Variants in UMOD observed in about 807,000 individuals in gnomAD.
UMOD encodes the protein Tamm-Horsfall urinary glycoprotein.
Under a neutral mutation model 66.0 loss-of-function variants are expected in UMOD, and 64 were observed. The observed-to-expected ratio is 0.97, with a 90% CI of 0.79 to 1.19. The LOEUF is 1.19. UMOD is among the 50% of genes most tolerant of loss of function. The pLI is 0.00. For missense variants in UMOD, 764 were observed against 850.9 expected (o/e 0.90, Z 1.27); for synonymous variants, 398 against 352.7 (o/e 1.13, Z -1.44).
At chr16:20,347,769 A>T (rs1281240840) in intron 4 of UMOD, among the ~76,000 whole-genome samples, 1 of 152,234 alleles carries the variant, frequency 6.6e-6, no homozygotes. Context: ...TTCATCTTCA[A>T]TAATTGTACC....
rs200153849 is a variant in UMOD at position 20,341,243 on chromosome 16, G to A, written c.1425C>T (p.Ser475=). Residue 475 remains serine (S), a synonymous_variant, in exon 7 of 11, where the codon TCC becomes TCT. Transcript: ENST00000396138. ...TPSYTQPYQG[S]SVTLSTEAFL... Reference sequence around the variant, plus strand: ...AAGCCTCAGTGGACAGTGTCACGGAGGAGCCTTGGTAGGGCTGCGTGTAGG... The same window carrying A: ...AAGCCTCAGTGGACAGTGTCACGGAAGAGCCTTGGTAGGGCTGCGTGTAGG... 4 of 1,614,130 alleles carry A rather than the reference G, an allele frequency of 2.5e-6. No homozygotes were observed. Among genetic ancestry groups the A allele is most frequent in the Admixed American group, 1.7e-5 (1 of 60,012 alleles).
intron 7 of UMOD, among the ~76,000 whole-genome samples, chr16:20,339,024 G>T (rs190187253): frequency 1.8e-4 from 27 of 152,324 alleles, no homozygotes; most frequent in Admixed American, 3.3e-4. Context: ...GCCTCCCAAA[G>T]TGCTGGGATT....
Position 20,344,162 on chromosome 16 carries a change from G to A in UMOD, c.1193C>T (p.Thr398Ile), listed in dbSNP as rs1965401087. 1 of 1,126,544 alleles carries A rather than the reference G, an allele frequency of 8.9e-7. No homozygotes were observed. Among genetic ancestry groups the A allele is most frequent in the Non-Finnish European group, 1.3e-6 (1 of 783,458 alleles). 69.8% of individuals were successfully genotyped at this position (1,126,544 alleles called of 1,614,324 possible). A position where few individuals can be genotyped will look rare whatever the true frequency, so the allele number is the denominator to read the frequency against. Residue 398 changes from threonine (T) to isoleucine (I), a missense_variant, in exon 6 of 11, where the codon ACC (threonine) becomes ATC (isoleucine). Physicochemically the swap from Thr to Ile is moderately conservative, Grantham distance 89. Coordinates refer to ENST00000396138, the MANE Select transcript of UMOD (RefSeq NM_003361.4). ...PCGTVLTRNE[T>I]HATYSNTLYL... The stretch of plus-strand genomic sequence containing the variant: ...GAGGGTGTTGCTGTAAGTGGCATGG[G>A]TTTCATTCCTCTGTTGCAGGGAATG...
rs370600033 is a variant in UMOD, at chr16:20,348,998, C to A, written c.303G>T (p.Ser101=). The A allele has an allele frequency of 6.3e-6, 10 of 1,578,724 alleles. No homozygotes were observed. Among genetic ancestry groups the A allele is most frequent in the South Asian group, 1.2e-5 (1 of 86,700 alleles). The part of the protein sequence containing the change: ...SCVCPEGFRL[S]PGLGCTDVDE... The stretch of plus-strand genomic sequence containing the variant: ...CCACGTCTGTGCAGCCGAGACCGGG[C>A]GACAGGCGGAAGCCTTCGGGGCAGA... The change falls in exon 3 of 11, where the codon TCG becomes TCT. Residue 101 remains serine, a synonymous_variant. Coordinates refer to ENST00000396138, the MANE Select transcript of UMOD (RefSeq NM_003361.4).
chr16:20,345,599 C>G (rs1163236455), intron 5 of UMOD, among the ~76,000 whole-genome samples: 1 of 147,914 alleles, frequency 6.8e-6, no homozygotes, highest in East Asian at 2.0e-4. Context: ...TCCTCTCTTT[C>G]TCTTTCTTTC....
intron 10 of UMOD, among the ~76,000 whole-genome samples, chr16:20,335,019 G>C (rs1964796796): frequency 6.6e-6 from 1 of 151,906 alleles, no homozygotes; most frequent in Non-Finnish European, 1.5e-5. Flanking sequence ...GTAGAGATGG[G>C]GTTTCACCAT....
upstream of UMOD, among the ~76,000 whole-genome samples, chr16:20,354,525 T>C (rs1421160046): frequency 6.6e-6 from 1 of 152,160 alleles, no homozygotes. Context: ...TCTTCATTTA[T>C]TTACTTTTTT....
intron 2 of UMOD, 47 bp from the exon 3 acceptor site, chr16:20,349,259 T>C (rs1367279043): frequency 6.3e-7 from 1 of 1,590,192 alleles, no homozygotes; most frequent in African/African-American, 1.3e-5. Flanking sequence ...GCTGGGCCCA[T>C]GGCCACCCAG....
chr16:20,348,471 G>T lies in UMOD; in HGVS notation c.830C>A (p.Thr277Lys). 1 of 1,613,062 alleles carries T rather than the reference G, an allele frequency of 6.2e-7. No homozygotes were observed. Residue 277 changes from threonine to lysine, a missense_variant, in exon 3 of 11, where the codon ACA becomes AAA. By Grantham distance (78) the Thr-to-Lys change is moderately conservative. Coordinates refer to ENST00000396138, the MANE Select transcript of UMOD (RefSeq NM_003361.4). Reference protein sequence around the residue: ...CAGGYYVYNLTAPPECHLAYC... With the variant: ...CAGGYYVYNLKAPPECHLAYC... ...CGCCAGGTGACACTCGGGGGGCGCT[G>T]TCAGGTTGTAGACGTAGTAGCCGCC...
intron 7 of UMOD, among the ~76,000 whole-genome samples, chr16:20,338,032 G>A (rs1328193082): frequency 1.3e-5 from 2 of 152,078 alleles, no homozygotes; most frequent in Non-Finnish European, 2.9e-5. Flanking sequence ...GGCAAACTGG[G>A]CACCCCCTCT....
Position 20,346,344 on chromosome 16 carries a change from G to A in UMOD, c.974-10C>T, listed in dbSNP as rs752917522. 5 of 1,614,196 alleles carry A rather than the reference G, an allele frequency of 3.1e-6. No homozygotes were observed. The highest frequency in any genetic ancestry group is 1.3e-5 in the African/African-American group (1 of 75,070). On this transcript the variant is annotated splice_polypyrimidine_tract_variant and intron_variant, in intron 4 of 10. Coordinates refer to ENST00000396138, the MANE Select transcript of UMOD (RefSeq NM_003361.4). ...TCCAGGAGGGAGATATCTGAAACAG[G>A]TTAGGTGGGATTGAGGACGTGTGTC...
chr16:20,344,611 A>G (rs1361774743), intron 5 of UMOD, among the ~76,000 whole-genome samples: 1 of 152,050 alleles, frequency 6.6e-6, no homozygotes, highest in Non-Finnish European at 1.5e-5. Context: ...AAAAAAAAAA[A>G]AAAAAATCCC....
intron 10 of UMOD, 150 bp from the exon 11 acceptor site, chr16:20,333,525 C>G: frequency 1.3e-6 from 1 of 757,214 alleles, no homozygotes. Context: ...CCTTATCTGC[C>G]CTGAAAAAGG....
Position 20,333,363 on chromosome 16 carries a change from A to G in UMOD, c.1874T>C (p.Val625Ala). The change falls in exon 11 of 11, where the codon GTC (valine) becomes GCC (alanine). Residue 625 changes from valine to alanine, a missense_variant. Val to Ala is a moderately conservative substitution (Grantham distance 64, BLOSUM62 0). Transcript: ENST00000396138. ...GGCCGAGAGAAGCAGAGGCAGCCAGACTTTCAGGAGCCCTGAAAAGAAAAC... is the reference window on the plus strand; with the variant it reads ...GGCCGAGAGAAGCAGAGGCAGCCAGGCTTTCAGGAGCCCTGAAAAGAAAAC... ...RAFSSLGLLK[V>A]WLPLLLSATL... 1 of 1,612,944 alleles carries G rather than the reference A, an allele frequency of 6.2e-7. No individual in the cohort carries two copies. Among genetic ancestry groups the G allele is most frequent in the Non-Finnish European group, 8.5e-7 (1 of 1,179,548 alleles).
chr16:20,333,850 C>A (rs181819946), intron 10 of UMOD, among the ~76,000 whole-genome samples: 1 of 152,014 alleles, frequency 6.6e-6, no homozygotes, highest in Admixed American at 6.6e-5. Flanking sequence ...CCTGGCCACA[C>A]GGAGAAACCC....
rs1259657316 is a variant in UMOD, at chr16:20,349,102, C to T, written c.199G>A (p.Asp67Asn). Residue 67 changes from aspartate to asparagine, a missense_variant, in exon 3 of 11, where the codon GAT (aspartate) becomes AAT (asparagine). Asp to Asn is a conservative substitution (Grantham distance 23). Transcript: ENST00000396138. ...TGDGLTCVDL[D>N]ECAIPGAHNC... ...TGAGCTCCAGGAATGGCGCACTCATCCAGGTCCACGCAGGTCAGGCCATCG... is the reference window on the plus strand; with the variant it reads ...TGAGCTCCAGGAATGGCGCACTCATTCAGGTCCACGCAGGTCAGGCCATCG... 1.2e-6 allele frequency: 2 copies of T among 1,613,820 alleles called. No individual in the cohort carries two copies. The highest frequency in any genetic ancestry group is 1.7e-6 in the Non-Finnish European group (2 of 1,179,914).
intron 9 of UMOD, 108 bp downstream of exon 9, chr16:20,336,538 A>C (rs528560366): frequency 1.9e-6 from 2 of 1,049,430 alleles, no homozygotes; most frequent in South Asian, 2.6e-5. Flanking sequence ...ACTTGCTCCC[A>C]GTTCTTCAGA....
chr16:20,343,944 G>T (rs1455657094), intron 6 of UMOD, 80 bp downstream of exon 6: 8 of 1,550,802 alleles, frequency 5.2e-6, no homozygotes, highest in African/African-American at 1.4e-5. Flanking sequence ...CCTGTGGGTG[G>T]CAGTTGACAG....
At chr16:20,334,846 T>C (rs1964786606) in intron 10 of UMOD, among the ~76,000 whole-genome samples, 1 of 151,838 alleles carries the variant, frequency 6.6e-6, no homozygotes, top group Non-Finnish European at 1.5e-5. Context: ...TTTTTTTTTT[T>C]TTTTTGAGAT....
Sources: gnomAD v4.1 joint callset for allele counts (sites outside exome capture counted in the v4.1 genomes callset) on GRCh38, gnomAD v4.1.1 for gene constraint, MANE v1.5 for transcripts, NCBI Gene and HGNC (gene_info 2026-07-23, HGNC 2026-07-21) for gene names.